TSC22D1: variants seen among roughly 807,000 people sequenced by gnomAD.
TSC22D1 encodes the protein TSC22 domain family protein 1.
In TSC22D1, 9 loss-of-function variants were observed where a neutral mutation model predicts 74.2. The ratio of observed to expected loss-of-function variants is 0.12; its 90% confidence interval spans 0.07 to 0.21. The LOEUF is 0.21. Among genes scored for constraint, TSC22D1 ranks in the 10% least tolerant of loss-of-function variants. The pLI, the probability that TSC22D1 is intolerant of heterozygous loss-of-function variation, is 1.00. For missense variants in TSC22D1, 1,427 were observed against 1,304.7 expected, an observed-to-expected ratio of 1.09 and a Z score of -1.44; for synonymous variants, 586 against 492.5, an observed-to-expected ratio of 1.19 and a Z score of -2.51.
intron 1 of TSC22D1, among the ~76,000 whole-genome samples, chr13:44,540,818 AT>A (rs1378019969): frequency 6.6e-6 from 1 of 152,176 alleles, no homozygotes; most frequent in Non-Finnish European, 1.5e-5. Flanking sequence ...AGATAGGCAG[AT>A]ACATATTTAA....
In TSC22D1 at chr13:44,434,277, G is replaced by A; in HGVS notation, c.*349C>T. On this transcript the variant is annotated 3_prime_UTR_variant, in exon 3 of 3. Transcript: ENST00000458659. ...CATGTAGGACACTAAGCGCAAGCAG[G>A]AGAGAGAACCCTTGGAAGTGAGGGG... 2 of 1,388,440 alleles carry A rather than the reference G, an allele frequency of 1.4e-6. No individual in the cohort carries two copies. The highest frequency in any genetic ancestry group is 1.7e-5 in the South Asian group (1 of 57,342). The allele number at this position is 1,388,440 out of a possible 1,614,324, so 86.0% of individuals were successfully genotyped here.
Position 44,456,254 on chromosome 13 carries a change from G to A in TSC22D1, c.2913-20159C>T, listed in dbSNP as rs188017218. On this transcript the variant is annotated intron_variant, in intron 1 of 2. Coordinates refer to ENST00000458659, the MANE Select transcript of TSC22D1 (RefSeq NM_183422.4). ...CCACGGCGGAGAAGAAGACCCGAGC[G>A]GGTTGCTGCTGCTGGCTGGAGTAGC... is the stretch of plus-strand genomic sequence containing the variant. 9.8e-4 allele frequency among the ~76,000 whole-genome samples: 150 copies of A among 152,318 alleles called. 1 individual carries two copies. The highest frequency in any genetic ancestry group is 3.2e-3 in the African/African-American group (134 of 41,574).
intron 1 of TSC22D1, among the ~76,000 whole-genome samples, chr13:44,533,648 T>C (rs1218616008): frequency 6.6e-6 from 1 of 151,898 alleles, no homozygotes; most frequent in Non-Finnish European, 1.5e-5. Context: ...CTGAGCATGA[T>C]GGCAGGTGCC....
intron 1 of TSC22D1, among the ~76,000 whole-genome samples, chr13:44,474,901 T>G (rs1322169526): frequency 6.6e-6 from 1 of 152,108 alleles, no homozygotes; most frequent in Non-Finnish European, 1.5e-5. Flanking sequence ...CCCAGTACAA[T>G]AAGGCCTCAT....
intron 1 of TSC22D1, among the ~76,000 whole-genome samples, chr13:44,511,957 G>A (rs1879744524): frequency 6.6e-6 from 1 of 152,096 alleles, no homozygotes; most frequent in South Asian, 2.1e-4. Flanking sequence ...CCCAAAAGTT[G>A]TACCTTCAAC....
At chr13:44,470,583 T>C (rs1256110296) in intron 1 of TSC22D1, among the ~76,000 whole-genome samples, 1 of 152,182 alleles carries the variant, frequency 6.6e-6, no homozygotes, top group Non-Finnish European at 1.5e-5. Context: ...TCATTCCTCA[T>C]GGTCTGGTGC....
At chr13:44,450,300 G>C (rs1354590192) in intron 1 of TSC22D1, among the ~76,000 whole-genome samples, 2 of 152,206 alleles carry the variant, frequency 1.3e-5, no homozygotes, top group African/African-American at 4.8e-5. Flanking sequence ...TGGGAGTGAA[G>C]AGAAAGGCAG....
intron 1 of TSC22D1, among the ~76,000 whole-genome samples, chr13:44,458,703 C>G (rs1364788799): frequency 6.6e-6 from 1 of 152,184 alleles, no homozygotes; most frequent in Non-Finnish European, 1.5e-5. Flanking sequence ...TGGTCTCTCC[C>G]CACTCCCAGT....
intron 1 of TSC22D1, among the ~76,000 whole-genome samples, chr13:44,524,275 GAA>G (rs113068157): frequency 1.5e-5 from 2 of 132,896 alleles, no homozygotes; most frequent in Non-Finnish European, 3.3e-5. Flanking sequence ...CCACACAACA[GAA>G]AAAAAAAAAA....
chr13:44,532,057 T>C (rs1390586357), intron 1 of TSC22D1, among the ~76,000 whole-genome samples: 1 of 152,186 alleles, frequency 6.6e-6, no homozygotes, highest in East Asian at 1.9e-4. Context: ...AAAAATAACA[T>C]TTTATGTTTA....
intron 1 of TSC22D1, among the ~76,000 whole-genome samples, chr13:44,517,827 G>GTATATATA (rs1278120734): frequency 4.5e-4 from 11 of 24,636 alleles, no homozygotes; most frequent in South Asian, 2.1e-3. Flanking sequence ...GTGTGTGTGT[G>GTATATATA]TGTATATATA....
At chr13:44,436,550 A>G (rs1350359771) in intron 1 of TSC22D1, 2 of 1,614,226 alleles carry the variant, frequency 1.2e-6, no homozygotes, top group Non-Finnish European at 1.7e-6. Flanking sequence ...AGCAAGGATG[A>G]CAAGAAAGAA....
At chr13:44,555,825 T>A (rs544453007) in intron 1 of TSC22D1, among the ~76,000 whole-genome samples, 139 of 151,836 alleles carry the variant, frequency 9.2e-4, no homozygotes, top group Non-Finnish European at 1.5e-3. Flanking sequence ...AGTCAAGGTG[T>A]TTTGATATGG....
Position 44,575,010 on chromosome 13 carries a change from A to G in TSC22D1, c.1065T>C (p.Val355=). 1 of 1,614,158 alleles carries G rather than the reference A, an allele frequency of 6.2e-7. No homozygotes were observed. Among genetic ancestry groups the G allele is most frequent in the Non-Finnish European group, 8.5e-7 (1 of 1,180,026 alleles). The change falls in exon 1 of 3, where the codon GTT becomes GTC. Residue 355 remains valine (V), a synonymous_variant. Transcript: ENST00000458659. ...SAAGVSVGPG[V]TSGVNVNILS... ...AGATATTCACATTAACACCACTGGT[A>G]ACTCCAGGCCCAACACTCACACCAG...
rs112227916 is a variant in TSC22D1 at position 44,564,915 on chromosome 13, A to C, written c.2912+8248T>G. Among the ~76,000 whole-genome samples, 216 of 152,310 alleles carry C rather than the reference A, an allele frequency of 1.4e-3. 1 individual carries two copies. The highest frequency in any genetic ancestry group is 4.8e-3 in the African/African-American group (200 of 41,582). On this transcript the variant is annotated intron_variant, in intron 1 of 2. Coordinates refer to ENST00000458659, the MANE Select transcript of TSC22D1 (RefSeq NM_183422.4). ...ATGATCAAGATGTAGAGAGCAAGGA[A>C]AAGAAACTATCAAGAATGACTCTCA...
intron 1 of TSC22D1, among the ~76,000 whole-genome samples, chr13:44,517,829 G>GTGTGTATATATATA (rs1271183064): frequency 7.1e-5 from 1 of 14,120 alleles, no homozygotes; most frequent in Non-Finnish European, 1.5e-4. Context: ...GTGTGTGTGT[G>GTGTGTATATATATA]TATATATATA....
intron 1 of TSC22D1, among the ~76,000 whole-genome samples, chr13:44,560,971 G>C (rs1882999556): frequency 6.6e-6 from 1 of 152,070 alleles, no homozygotes; most frequent in Non-Finnish European, 1.5e-5. Context: ...AGTCTCATCT[G>C]CTTTAAGATA....
intron 1 of TSC22D1, among the ~76,000 whole-genome samples, chr13:44,450,008 G>A (rs776592908): frequency 1.3e-5 from 2 of 152,062 alleles, no homozygotes; most frequent in Non-Finnish European, 2.9e-5. Context: ...AGGGGGCAAG[G>A]GGAGAAAGAC....
At chr13:44,459,360 G>A (rs1876868735) in intron 1 of TSC22D1, among the ~76,000 whole-genome samples, 2 of 152,158 alleles carry the variant, frequency 1.3e-5, no homozygotes, top group South Asian at 4.1e-4. Flanking sequence ...TACCCACTAT[G>A]GATATCCTCT....
Sources: gnomAD v4.1 joint callset for allele counts (sites outside exome capture counted in the v4.1 genomes callset) on GRCh38, gnomAD v4.1.1 for gene constraint, MANE v1.5 for transcripts, NCBI Gene and HGNC (gene_info 2026-07-23, HGNC 2026-07-21) for gene names.